Variants in CTNNA3 observed in about 807,000 individuals in gnomAD.
The protein encoded by CTNNA3 is catenin alpha 3, also known as catenin alpha-3.
In CTNNA3, 76 loss-of-function variants were observed where a neutral mutation model predicts 95.7. That is an observed-to-expected ratio of 0.79 (90% CI 0.66 to 0.96). CTNNA3 has a LOEUF of 0.96. CTNNA3 is among the 40% of genes least tolerant of loss of function. The pLI, the probability that CTNNA3 is intolerant of heterozygous loss-of-function variation, is 0.00. For missense variants in CTNNA3, 1,191 were observed against 1,089.8 expected (o/e 1.09, Z -1.31); for synonymous variants, 431 against 374.4 (o/e 1.15, Z -1.74).
At chr10:67,494,256 A>G (rs1838955162) in intron 5 of CTNNA3, among the ~76,000 whole-genome samples, 1 of 152,242 alleles carries the variant, frequency 6.6e-6, no homozygotes, top group South Asian at 2.1e-4. Context: ...TTAACTCAGC[A>G]CAACATTCTT....
At chr10:66,529,106 A>G (rs1841369474) in intron 10 of CTNNA3, among the ~76,000 whole-genome samples, 1 of 152,026 alleles carries the variant, frequency 6.6e-6, no homozygotes, top group African/African-American at 2.4e-5. Context: ...AGCCTGGCCT[A>G]TCACAATCAA....
intron 5 of CTNNA3, among the ~76,000 whole-genome samples, chr10:67,477,437 G>T (rs1277045643): frequency 6.6e-6 from 1 of 152,014 alleles, no homozygotes; most frequent in African/African-American, 2.4e-5. Flanking sequence ...GCTTCTCCCA[G>T]TAAACAATGA....
At chr10:66,812,358 T>C (rs962850667) in intron 7 of CTNNA3, among the ~76,000 whole-genome samples, 1 of 152,170 alleles carries the variant, frequency 6.6e-6, no homozygotes, top group African/African-American at 2.4e-5. Context: ...AGAAATCTGG[T>C]ATTTTGTTGA....
chr10:66,413,590 T>C (rs2093124360), intron 11 of CTNNA3, among the ~76,000 whole-genome samples: 1 of 152,182 alleles, frequency 6.6e-6, no homozygotes, highest in African/African-American at 2.4e-5. Context: ...ATTTTATAGT[T>C]GGTACAAGCA....
intron 7 of CTNNA3, among the ~76,000 whole-genome samples, chr10:67,035,109 T>A (rs1304471903): frequency 6.6e-6 from 1 of 152,230 alleles, no homozygotes; most frequent in Admixed American, 6.5e-5. Flanking sequence ...TGTATTGAAT[T>A]ATCTGTGCAT....
chr10:67,477,092 C>A (rs1848042281), intron 5 of CTNNA3, among the ~76,000 whole-genome samples: 1 of 152,108 alleles, frequency 6.6e-6, no homozygotes, highest in Non-Finnish European at 1.5e-5. Context: ...CTGTGTGGTG[C>A]AGCAGGGCCC....
chr10:67,243,691 T>C (rs1366106265), intron 5 of CTNNA3, among the ~76,000 whole-genome samples: 6 of 152,208 alleles, frequency 3.9e-5, no homozygotes, highest in Non-Finnish European at 7.4e-5. Flanking sequence ...GAGGTTCCAC[T>C]GGTGCCTTTG....
intron 10 of CTNNA3, among the ~76,000 whole-genome samples, chr10:66,561,260 T>C (rs1271378889): frequency 6.6e-6 from 1 of 152,092 alleles, no homozygotes; most frequent in East Asian, 1.9e-4. Context: ...TTTTGTTCCT[T>C]TGACATACAA....
chr10:66,951,368 T>A (rs1848531491), intron 7 of CTNNA3, among the ~76,000 whole-genome samples: 1 of 152,116 alleles, frequency 6.6e-6, no homozygotes, highest in African/African-American at 2.4e-5. Flanking sequence ...CATCCGCCTC[T>A]GCCTCCCAGA....
At chr10:66,220,831 CCTT>C (rs754931656) in intron 13 of CTNNA3, among the ~76,000 whole-genome samples, 4 of 152,132 alleles carry the variant, frequency 2.6e-5, no homozygotes, top group Non-Finnish European at 5.9e-5. Flanking sequence ...TCTCTTCTCT[CCTT>C]CTCTGCCACA....
intron 1 of CTNNA3, among the ~76,000 whole-genome samples, chr10:67,655,834 G>A (rs1840008478): frequency 6.7e-6 from 1 of 150,242 alleles, no homozygotes; most frequent in African/African-American, 2.5e-5. Flanking sequence ...AACTTTATAA[G>A]CCTCGCTCTC....
chr10:66,230,981 G>C (rs925471668), intron 13 of CTNNA3, among the ~76,000 whole-genome samples: 3 of 152,082 alleles, frequency 2.0e-5, no homozygotes, highest in Non-Finnish European at 4.4e-5. Context: ...GGGGCTATTG[G>C]GCCCCAGGGA....
At chr10:67,143,767 G>A (rs1487795284) in intron 7 of CTNNA3, among the ~76,000 whole-genome samples, 1 of 151,980 alleles carries the variant, frequency 6.6e-6, no homozygotes, top group East Asian at 1.9e-4. Context: ...TTTAATTTGT[G>A]GTATCTTCCT....
chr10:66,672,430 T>G (rs1846696855), intron 9 of CTNNA3, among the ~76,000 whole-genome samples: 1 of 152,074 alleles, frequency 6.6e-6, no homozygotes, highest in Non-Finnish European at 1.5e-5. Context: ...AGAAAGCCAC[T>G]TTCCTATTGA....
rs55647617 is a variant in CTNNA3 at position 67,330,858 on chromosome 10, A to G, written c.580-110988T>C. 2.7e-3 allele frequency among the ~76,000 whole-genome samples: 404 copies of G among 152,294 alleles called. 3 individuals carry two copies. The highest frequency in any genetic ancestry group is 9.2e-3 in the African/African-American group (383 of 41,558). On this transcript the variant is annotated intron_variant, in intron 5 of 17. Coordinates refer to ENST00000433211, the MANE Select transcript of CTNNA3 (RefSeq NM_013266.4). ...GTAAAATACGGATAAAGGAAAAGCA[A>G]TTACGGCAATTTGTTAAAGGCATCC... is the stretch of plus-strand genomic sequence containing the variant.
intron 11 of CTNNA3, among the ~76,000 whole-genome samples, chr10:66,489,111 A>G (rs1268611747): frequency 4.6e-5 from 7 of 152,168 alleles, no homozygotes; most frequent in African/African-American, 1.7e-4. Flanking sequence ...CACAGGGTGC[A>G]TTGACGAACC....
At chr10:67,747,854 A>G (rs1841381864) in intron 1 of CTNNA3, among the ~76,000 whole-genome samples, 1 of 152,228 alleles carries the variant, frequency 6.6e-6, no homozygotes, top group Non-Finnish European at 1.5e-5. Flanking sequence ...AAAGAAGCTA[A>G]GAACCATGAT....
At chr10:66,503,349 A>G (rs1840343374) in intron 11 of CTNNA3, among the ~76,000 whole-genome samples, 1 of 152,202 alleles carries the variant, frequency 6.6e-6, no homozygotes, top group Non-Finnish European at 1.5e-5. Context: ...TAAATAAATT[A>G]TATAATTAAC....
chr10:66,438,403 G>T lies in CTNNA3; in HGVS notation c.1532-59051C>A, dbSNP rs188979082. Among the ~76,000 whole-genome samples, 1,196 of 152,304 alleles carry T rather than the reference G, an allele frequency of 7.9e-3. 60 individuals are homozygous for T. Among genetic ancestry groups the T allele is most frequent in the Non-Finnish European group, 1.3e-3 (86 of 68,020 alleles). ...CTTTCAGAGATGCCCTGCCCAGAAAGGAGGAATCTAGAGAGGCAGTCTGGC... is the reference window on the plus strand; with the variant it reads ...CTTTCAGAGATGCCCTGCCCAGAAATGAGGAATCTAGAGAGGCAGTCTGGC... On this transcript the variant is annotated intron_variant, in intron 11 of 17. Transcript: ENST00000433211.
Sources: gnomAD v4.1 joint callset for allele counts (sites outside exome capture counted in the v4.1 genomes callset) on GRCh38, gnomAD v4.1.1 for gene constraint, MANE v1.5 for transcripts, NCBI Gene and HGNC (gene_info 2026-07-23, HGNC 2026-07-21) for gene names.